Variants in CES4A observed in about 807,000 individuals in gnomAD.
CES4A encodes the protein carboxylesterase 6.
Under a neutral mutation model 65.4 loss-of-function variants are expected in CES4A, and 48 were observed. The observed-to-expected ratio is 0.73, with a 90% CI of 0.58 to 0.93. The LOEUF is 0.93. Ranked by LOEUF, CES4A falls within the 40% of genes least tolerant of loss-of-function variation. The pLI, the probability that CES4A is intolerant of heterozygous loss-of-function variation, is 0.00. For missense variants in CES4A, 685 were observed against 728.5 expected, an observed-to-expected ratio of 0.94 and a Z score of 0.69; for synonymous variants, 247 against 281.8, an observed-to-expected ratio of 0.88 and a Z score of 1.24.
intron 1 of CES4A, among the ~76,000 whole-genome samples, chr16:66,991,131 TCTC>T (rs1349964442): frequency 2.0e-5 from 3 of 152,092 alleles, no homozygotes; most frequent in Non-Finnish European, 4.4e-5. Flanking sequence ...TTCAAGCAAT[TCTC>T]CTATCTCAGC....
chr16:67,008,944 G>T, intron 13 of CES4A, 30 bp from the exon 14 acceptor site: 1 of 1,602,658 alleles, frequency 6.2e-7, no homozygotes, highest in African/African-American at 1.3e-5. Flanking sequence ...AAGGAACACA[G>T]GTAATCCTCT....
At chr16:66,993,872 C>G (rs916965126) in intron 1 of CES4A, among the ~76,000 whole-genome samples, 1 of 151,858 alleles carries the variant, frequency 6.6e-6, no homozygotes, top group Non-Finnish European at 1.5e-5. Flanking sequence ...GAGGCTGAGG[C>G]GGGCAGATCA....
At position 67,001,232 on chromosome 16, in the gene CES4A, G is replaced by T. The variant is rs1965316337; in HGVS notation, c.537-76G>T. 1 of 1,477,092 alleles carries T rather than the reference G, an allele frequency of 6.8e-7. No homozygotes were observed. The highest frequency in any genetic ancestry group is 1.4e-5 in the African/African-American group (1 of 71,482). 91.5% of individuals were successfully genotyped at this position (1,477,092 alleles called of 1,614,324 possible). A position where few individuals can be genotyped will look rare whatever the true frequency, so the allele number is the denominator to read the frequency against. On this transcript the variant is annotated intron_variant, in intron 4 of 13. Transcript: ENST00000648724. This position sits in a 1 kb window ranked among gnomAD's most constrained non-coding sequence, Gnocchi z 4.1. ...GAGGGGCAAGGCTGGGCTGGGTGGGGGAAGCCCAGGAGGGCAGCCCAACGC... is the reference window on the plus strand; with the variant it reads ...GAGGGGCAAGGCTGGGCTGGGTGGGTGAAGCCCAGGAGGGCAGCCCAACGC...
At chr16:66,990,613 C>T (rs779818661) in intron 1 of CES4A, among the ~76,000 whole-genome samples, 22 of 151,980 alleles carry the variant, frequency 1.4e-4, no homozygotes, top group Non-Finnish European at 2.8e-4. Context: ...GTGAGAGGCT[C>T]ACTTGAGTTT....
chr16:67,009,326 C>T (rs1966010918), exon 14 of CES4A: 1 of 560,900 alleles, frequency 1.8e-6, no homozygotes, highest in Non-Finnish European at 3.1e-6. Context: ...CTGCACTGCC[C>T]TTTCCAGCCT....
Position 67,001,217 on chromosome 16 carries a change from G to C in CES4A, c.537-91G>C, listed in dbSNP as rs1462975441. ...CAGGACTGGGTCTTAGAGGGGCAAG[G>C]CTGGGCTGGGTGGGGGAAGCCCAGG... On this transcript the variant is annotated intron_variant, in intron 4 of 13. Transcript: ENST00000648724. The surrounding 1 kb of genome is among the most constrained non-coding windows in gnomAD (Gnocchi z 4.1). The C allele has an allele frequency of 3.4e-6, 5 of 1,452,856 alleles. No homozygotes were observed. The highest frequency in any genetic ancestry group is 4.6e-6 in the Non-Finnish European group (5 of 1,098,136). 90.0% of individuals were successfully genotyped at this position (1,452,856 alleles called of 1,614,324 possible).
Position 67,009,096 on chromosome 16 carries a change from TGA to T in CES4A, c.1642_1643del (p.Leu549ValfsTer7). The T allele has an allele frequency of 6.2e-7, 1 of 1,614,188 alleles. No individual in the cohort carries two copies. Among genetic ancestry groups the T allele is most frequent in the Non-Finnish European group, 8.5e-7 (1 of 1,180,018 alleles). On this transcript the variant is annotated frameshift_variant, in exon 14 of 14. Coordinates refer to ENST00000648724, the Ensembl canonical transcript of CES4A. LOFTEE classifies it low-confidence loss of function (END_TRUNC). The stretch of plus-strand genomic sequence containing the variant: ...AAGGAGAAGAAGATGGCTTTTTGGA[TGA>T]GTCTGTACCAGTCTCAAAGACCTGA...
At chr16:67,010,026 C>T (rs147866992), downstream of CES4A, among the ~76,000 whole-genome samples, 32 of 151,982 alleles carry the variant, frequency 2.1e-4, no homozygotes, top group African/African-American at 7.7e-4. Context: ...CCGTGTGTAT[C>T]CCAGCCTGTC....
intron 1 of CES4A, among the ~76,000 whole-genome samples, chr16:66,989,109 A>G (rs1227106587): frequency 6.6e-6 from 1 of 151,688 alleles, no homozygotes; most frequent in African/African-American, 2.4e-5. Flanking sequence ...CTTCCTTCCC[A>G]CCTTTTTCCT....
At position 67,000,371 on chromosome 16, in the gene CES4A, C is replaced by T; in HGVS notation, c.261-267C>T. ...GGTGCCCAGGGCAGGCAGGTTCCTG[C>T]CTTGACAGCACCAACAGGAGCAGGA... On this transcript the variant is annotated intron_variant, in intron 2 of 13. Coordinates refer to ENST00000648724, the Ensembl canonical transcript of CES4A. This position sits in a 1 kb window ranked among gnomAD's most constrained non-coding sequence, Gnocchi z 4.2. The T allele has an allele frequency of 1.4e-6, 1 of 690,824 alleles. No homozygotes were observed. Among genetic ancestry groups the T allele is most frequent in the South Asian group, 6.5e-5 (1 of 15,466 alleles). 42.8% of individuals were successfully genotyped at this position (690,824 alleles called of 1,614,324 possible).
At chr16:66,994,452 C>T (rs1173784671) in intron 1 of CES4A, among the ~76,000 whole-genome samples, 1 of 150,390 alleles carries the variant, frequency 6.6e-6, no homozygotes, top group Non-Finnish European at 1.5e-5. Flanking sequence ...ACCTCGTGAT[C>T]CACCCACCTT....
chr16:67,006,226 G>A, intron 11 of CES4A, 165 bp from the exon 12 acceptor site: 3 of 654,180 alleles, frequency 4.6e-6, no homozygotes, highest in Non-Finnish European at 5.2e-6. Context: ...CTTGCTTTAG[G>A]TCACACAGTG....
chr16:66,995,326 AATAAATAAATAAAT>A (rs1964755189), intron 1 of CES4A, among the ~76,000 whole-genome samples: 1 of 151,790 alleles, frequency 6.6e-6, no homozygotes, highest in Non-Finnish European at 1.5e-5. Flanking sequence ...TAAATAAATA[AATAAATAAATAAAT>A]ATAAATAAAT....
intron 10 of CES4A, 129 bp downstream of exon 10, chr16:67,005,002 G>A: frequency 1.2e-6 from 1 of 830,696 alleles, no homozygotes; most frequent in Non-Finnish European, 1.9e-6. Context: ...AGGGTCTGGG[G>A]TTTGCTGTGG....
intron 2 of CES4A, 83 bp downstream of exon 2, chr16:66,995,912 A>C: frequency 7.6e-7 from 1 of 1,316,490 alleles, no homozygotes; most frequent in Non-Finnish European, 1.1e-6. Flanking sequence ...GCTCACTGAG[A>C]AGAACTCACT....
In CES4A at chr16:67,009,022, T is replaced by C. The variant is rs1965987862; in HGVS notation, c.1566T>C (p.Asp522=). 1.9e-6 allele frequency: 3 copies of C among 1,614,056 alleles called. No individual in the cohort carries two copies. The highest frequency in any genetic ancestry group is 2.5e-6 in the Non-Finnish European group (3 of 1,180,014). Residue 522 remains aspartate (D), a synonymous_variant, in exon 14 of 14, where the codon GAT becomes GAC. Transcript: ENST00000648724. ...CCTGCTGGCCACGCTACAACAAGGA[T>C]GAAAAGTACCTGCAGCTGGATTTTA... is the stretch of plus-strand genomic sequence containing the variant.
At chr16:66,988,934 C>T in intron 1 of CES4A, 104 bp downstream of exon 1, 2 of 1,353,388 alleles carry the variant, frequency 1.5e-6, no homozygotes, top group South Asian at 1.5e-5. Context: ...GGCAGGAGCA[C>T]TTAGACAAGG....
chr16:67,008,055 G>C (rs1244922929), intron 13 of CES4A: 1 of 152,130 alleles, frequency 6.6e-6, no homozygotes, highest in East Asian at 1.9e-4. Context: ...AAAGTGCTGG[G>C]ATTACAGGTG....
exon 2 of CES4A, chr16:66,995,718 T>C: frequency 6.2e-7 from 1 of 1,614,180 alleles, no homozygotes; most frequent in Non-Finnish European, 8.5e-7. Flanking sequence ...CCCATCCAAG[T>C]CTTTTTAGGA....
Sources: allele counts gnomAD v4.1 joint callset (sites outside exome capture counted in the v4.1 genomes callset), GRCh38; gene constraint gnomAD v4.1.1; non-coding constraint Gnocchi (gnomAD v3.1); transcripts MANE v1.5; gene names NCBI Gene and HGNC (gene_info 2026-07-23, HGNC 2026-07-21).